DOCK3: variants seen among roughly 807,000 people sequenced by gnomAD.
DOCK3 encodes dedicator of cytokinesis 3.
DOCK3 carries 60 observed loss-of-function variants against 265.6 expected under a neutral mutation model. The ratio of observed to expected loss-of-function variants is 0.23; its 90% confidence interval spans 0.18 to 0.28. DOCK3 has a LOEUF of 0.28. Among genes scored for constraint, DOCK3 ranks in the 10% least tolerant of loss-of-function variants. The pLI is 1.00. For missense variants in DOCK3, 1,981 were observed against 2,594.3 expected, an observed-to-expected ratio of 0.76 and a Z score of 5.14; for synonymous variants, 881 against 938.0, an observed-to-expected ratio of 0.94 and a Z score of 1.11.
intron 51 of DOCK3, among the ~76,000 whole-genome samples, chr3:51,378,555 G>A (rs2088329541): frequency 6.6e-6 from 1 of 152,232 alleles, no homozygotes; most frequent in Non-Finnish European, 1.5e-5. Flanking sequence ...ACAGCACCTG[G>A]ATTGTGAGCC....
chr3:50,883,186 C>T (rs1486336583), intron 3 of DOCK3, among the ~76,000 whole-genome samples: 3 of 151,892 alleles, frequency 2.0e-5, no homozygotes, highest in Non-Finnish European at 1.5e-5. Context: ...TTAACAGGTG[C>T]AGCACACCAA....
chr3:51,297,315 A>T (rs998911296), intron 27 of DOCK3, among the ~76,000 whole-genome samples: 1 of 152,178 alleles, frequency 6.6e-6, no homozygotes, highest in African/African-American at 2.4e-5. Context: ...AAGTGCAAAC[A>T]ACAAAAGAAA....
chr3:50,823,303 C>T (rs1211562097), intron 2 of DOCK3, among the ~76,000 whole-genome samples: 1 of 152,150 alleles, frequency 6.6e-6, no homozygotes, highest in African/African-American at 2.4e-5. Context: ...GAGGACCCTG[C>T]GGCCTTCCGG....
intron 19 of DOCK3, among the ~76,000 whole-genome samples, chr3:51,231,816 G>A (rs1458220436): frequency 6.6e-6 from 1 of 152,132 alleles, no homozygotes; most frequent in East Asian, 1.9e-4. Flanking sequence ...AGGACTTAGT[G>A]ATAAGTGATT....
intron 10 of DOCK3, among the ~76,000 whole-genome samples, chr3:51,153,768 C>A (rs1165740750): frequency 6.6e-6 from 1 of 152,228 alleles, no homozygotes; most frequent in Non-Finnish European, 1.5e-5. Flanking sequence ...TACCAAACCT[C>A]ACAATCCCAC....
At chr3:50,746,945 A>G (rs1243010290) in intron 1 of DOCK3, among the ~76,000 whole-genome samples, 2 of 152,140 alleles carry the variant, frequency 1.3e-5, no homozygotes, top group Non-Finnish European at 2.9e-5. Flanking sequence ...CATCCAAACT[A>G]TATCATCTAT....
intron 33 of DOCK3, 80 bp from the exon 34 acceptor site, chr3:51,332,921 A>C: frequency 6.3e-7 from 1 of 1,587,146 alleles, no homozygotes; most frequent in Non-Finnish European, 8.6e-7. Flanking sequence ...GAACTTGTAC[A>C]TGGAAATAGA....
intron 5 of DOCK3, among the ~76,000 whole-genome samples, chr3:50,967,087 T>C (rs2077055118): frequency 6.6e-6 from 1 of 152,206 alleles, no homozygotes; most frequent in African/African-American, 2.4e-5. Flanking sequence ...TAATATATTG[T>C]TAACTACAGT....
chr3:51,093,044 G>A (rs994699515), intron 9 of DOCK3, among the ~76,000 whole-genome samples: 16 of 152,100 alleles, frequency 1.1e-4, no homozygotes, highest in Non-Finnish European at 2.4e-4. Flanking sequence ...CTATATATCC[G>A]TTTTGGTACC....
At chr3:50,768,853 C>G (rs1211993230) in intron 1 of DOCK3, among the ~76,000 whole-genome samples, 1 of 152,178 alleles carries the variant, frequency 6.6e-6, no homozygotes, top group Non-Finnish European at 1.5e-5. Context: ...AATGGCTGTA[C>G]TGATTTACGT....
At chr3:51,169,238 A>G (rs4927958) in intron 12 of DOCK3, among the ~76,000 whole-genome samples, 138,844 of 152,242 alleles carry the variant, frequency 0.91, 63,455 homozygotes, top group African/African-American at 0.96. Flanking sequence ...ATTACTGGAT[A>G]TATACCCAAA....
At chr3:50,728,728 A>T (rs997880184) in intron 1 of DOCK3, among the ~76,000 whole-genome samples, 3 of 147,518 alleles carry the variant, frequency 2.0e-5, no homozygotes, top group African/African-American at 5.0e-5. Context: ...AATAAATAGA[A>T]TTTTTTTTTT....
chr3:51,096,691 G>A (rs1346849863), intron 9 of DOCK3, among the ~76,000 whole-genome samples: 1 of 152,182 alleles, frequency 6.6e-6, no homozygotes, highest in Non-Finnish European at 1.5e-5. Context: ...CCTTGCTGGT[G>A]AGGAGTTGTG....
At chr3:50,777,049 G>C (rs540720953) in intron 1 of DOCK3, among the ~76,000 whole-genome samples, 10 of 152,238 alleles carry the variant, frequency 6.6e-5, no homozygotes, top group Non-Finnish European at 1.3e-4. Flanking sequence ...CAGATCTCAT[G>C]AGACTTTTTC....
At chr3:51,317,202 T>C (rs2083412968) in intron 32 of DOCK3, among the ~76,000 whole-genome samples, 1 of 151,702 alleles carries the variant, frequency 6.6e-6, no homozygotes, top group African/African-American at 2.4e-5. Context: ...TATTCCAGCA[T>C]CTTTTGTTGA....
At chr3:51,221,188 A>G (rs2090080696) in intron 14 of DOCK3, among the ~76,000 whole-genome samples, 1 of 152,076 alleles carries the variant, frequency 6.6e-6, no homozygotes, top group Non-Finnish European at 1.5e-5. Context: ...CTCCATAAGC[A>G]CCTCTGAGTA....
chr3:50,927,097 AT>A (rs1173813300), intron 4 of DOCK3, among the ~76,000 whole-genome samples: 2 of 152,152 alleles, frequency 1.3e-5, no homozygotes, highest in Non-Finnish European at 2.9e-5. Context: ...TTATTCAGTC[AT>A]TTCAGGTATG....
intron 5 of DOCK3, among the ~76,000 whole-genome samples, chr3:51,008,321 C>T (rs2078775124): frequency 6.6e-6 from 1 of 152,226 alleles, no homozygotes; most frequent in Admixed American, 6.5e-5. Context: ...TTGTAGTTCT[C>T]CTTGAAGAGG....
intron 1 of DOCK3, among the ~76,000 whole-genome samples, chr3:50,761,279 T>G (rs1166069972): frequency 6.6e-6 from 1 of 152,220 alleles, no homozygotes; most frequent in East Asian, 1.9e-4. Context: ...TTATATTTCC[T>G]TAATAGTCTC....
Sources: gnomAD v4.1 joint callset for allele counts (sites outside exome capture counted in the v4.1 genomes callset) on GRCh38, gnomAD v4.1.1 for gene constraint, MANE v1.5 for transcripts, NCBI Gene and HGNC (gene_info 2026-07-23, HGNC 2026-07-21) for gene names.